The following ACAN variants were observed in gnomAD, a reference collection of about 807,000 sequenced individuals.
ACAN encodes aggrecan core protein.
A neutral mutation model predicts 169.1 loss-of-function variants in ACAN; 47 were observed. The ratio of observed to expected loss-of-function variants is 0.28; its 90% CI spans 0.22 to 0.35. The LOEUF (loss-of-function observed/expected upper bound fraction) is 0.35, where lower values mean the gene tolerates loss of function less well. ACAN is among the 10% of genes least tolerant of loss of function. The pLI, the probability that ACAN is intolerant of heterozygous loss-of-function variation, is 1.00. For synonymous variants in ACAN, 1,115 were observed against 1,112.2 expected (o/e 1.00, Z -0.05); for missense variants, 2,716 against 2,759.9 (o/e 0.98, Z 0.36).
In ACAN at chr15:88,838,562, C is replaced by T; in HGVS notation, c.71-101C>T. The T allele has an allele frequency of 1.4e-6, 2 of 1,382,498 alleles. No individual in the cohort carries two copies. The highest frequency in any genetic ancestry group is 1.4e-5 in the African/African-American group (1 of 69,126). 85.6% of individuals were successfully genotyped at this position (1,382,498 alleles called of 1,614,324 possible). On this transcript the variant is annotated intron_variant, in intron 2 of 18. Transcript: ENST00000560601. This position sits in a 1 kb window ranked among gnomAD's most constrained non-coding sequence, Gnocchi z 5.1. ...AGACAGACACACTCATCGGATTTCG[C>T]TCTCTCAGGAGAGTGCATTGCTGGA... is the stretch of plus-strand genomic sequence containing the variant.
chr15:88,853,187 T>G (rs1414443931), intron 11 of ACAN, among the ~76,000 whole-genome samples: 5 of 151,992 alleles, frequency 3.3e-5, no homozygotes, highest in Non-Finnish European at 7.4e-5. Context: ...CAACCACGAG[T>G]GGGGAGTTAC....
intron 1 of ACAN, among the ~76,000 whole-genome samples, chr15:88,806,329 G>A (rs1327294802): frequency 6.7e-6 from 1 of 149,688 alleles, no homozygotes; most frequent in African/African-American, 2.5e-5. Context: ...ATAAGAGACT[G>A]TGTGTCCTAA....
intron 1 of ACAN, among the ~76,000 whole-genome samples, chr15:88,815,759 G>C (rs1895927588): frequency 6.6e-6 from 1 of 150,776 alleles, no homozygotes; most frequent in East Asian, 2.0e-4. Context: ...TACCAAGTAA[G>C]ATTGGGGACT....
At chr15:88,853,850 T>TA (rs1394099570) in intron 11 of ACAN, among the ~76,000 whole-genome samples, 1 of 151,536 alleles carries the variant, frequency 6.6e-6, no homozygotes, top group Non-Finnish European at 1.5e-5. Context: ...GCTAACTTTT[T>TA]TTTTTTTTTC....
In ACAN at chr15:88,868,231, T is replaced by C. The variant is rs1489699502; in HGVS notation, c.6962T>C (p.Leu2321Pro). ...TTTCTTGCAGACATTGATGAGTGCC[T>C]CTCAAGCCCTTGTCTGAATGGAGCC... ...EHCNIDIDECLSSPCLNGATC... is the reference protein window; with the variant it reads ...EHCNIDIDECPSSPCLNGATC... Residue 2321 changes from leucine (L) to proline (P), a missense_variant, in exon 14 of 19, where the codon CTC (leucine) becomes CCC (proline). Around this residue, in one of 3 missense-constraint regions of ACAN, gnomAD observed 1,389 missense variants for 1,363.7 expected, o/e 1.02. Coordinates refer to ENST00000560601, the MANE Select transcript of ACAN (RefSeq NM_001369268.1). This position sits in a 1 kb window ranked among gnomAD's most constrained non-coding sequence, Gnocchi z 5.2. The C allele has an allele frequency of 1.4e-6, 1 of 702,602 alleles. No individual in the cohort carries two copies. The highest frequency in any genetic ancestry group is 2.6e-6 in the Non-Finnish European group (1 of 384,838). The allele number at this position is 702,602 out of a possible 1,614,324, so 43.5% of individuals were successfully genotyped here.
rs2141618963 is a variant in ACAN, at chr15:88,861,905, T to C, written c.6946+1466T>C. Among the ~76,000 whole-genome samples, 1 of 152,326 alleles carries C rather than the reference T, an allele frequency of 6.6e-6. No individual in the cohort carries two copies. Among genetic ancestry groups the C allele is most frequent in the African/African-American group, 2.4e-5 (1 of 41,568 alleles). On this transcript the variant is annotated intron_variant, in intron 13 of 18. Transcript: ENST00000560601. The surrounding 1 kb of genome is among the most constrained non-coding windows in gnomAD (Gnocchi z 6.3). ...AGGACAGCCTCTCTGTGATCATGTATATTTCCACAGGGCTTTTGTTCCCAC... is the reference window on the plus strand; with the variant it reads ...AGGACAGCCTCTCTGTGATCATGTACATTTCCACAGGGCTTTTGTTCCCAC...
intron 1 of ACAN, among the ~76,000 whole-genome samples, chr15:88,811,243 T>C (rs1895813133): frequency 6.6e-6 from 1 of 152,198 alleles, no homozygotes; most frequent in South Asian, 2.1e-4. Flanking sequence ...TGATGGACCT[T>C]GGAAATCACC....
intron 1 of ACAN, among the ~76,000 whole-genome samples, chr15:88,832,624 G>C (rs78061838): frequency 0.013 from 1,921 of 152,238 alleles, 40 homozygotes; most frequent in African/African-American, 0.042. Context: ...CTAATAATGA[G>C]GATTCGGATT....
Position 88,843,571 on chromosome 15 carries a change from T to C in ACAN, c.974T>C (p.Val325Ala). 1 of 1,612,220 alleles carries C rather than the reference T, an allele frequency of 6.2e-7. No homozygotes were observed. Among genetic ancestry groups the C allele is most frequent in the Non-Finnish European group, 8.5e-7 (1 of 1,179,314 alleles). ...AACTGCGGTGGCAACCTCCTGGGCGTGAGGACCGTCTACGTGCATGCCAAC... is the reference window on the plus strand; with the variant it reads ...AACTGCGGTGGCAACCTCCTGGGCGCGAGGACCGTCTACGTGCATGCCAAC... Reference protein sequence around the residue: ...RPNCGGNLLGVRTVYVHANQT... With the variant: ...RPNCGGNLLGARTVYVHANQT... The change falls in exon 6 of 19, where the codon GTG (valine) becomes GCG (alanine). Residue 325 changes from valine (V) to alanine (A), a missense_variant. Physicochemically the swap from Val to Ala is moderately conservative, Grantham distance 64. This residue lies in a region of ACAN where 1,283 missense variants were observed against 1,281.5 expected (regional missense o/e 1.00). Coordinates refer to ENST00000560601, the MANE Select transcript of ACAN (RefSeq NM_001369268.1). The surrounding 1 kb of genome is among the most constrained non-coding windows in gnomAD (Gnocchi z 4.0).
Position 88,817,849 on chromosome 15 carries a change from G to GAA in ACAN, c.-8+14059_-8+14060dup, listed in dbSNP as rs10710630. 8.2e-4 allele frequency among the ~76,000 whole-genome samples: 60 copies of GAA among 73,368 alleles called. 1 individual carries two copies. Among genetic ancestry groups the GAA allele is most frequent in the African/African-American group, 2.0e-3 (37 of 18,592 alleles). 48.1% of individuals were successfully genotyped at this position (73,368 alleles called of 152,430 possible). The stretch of plus-strand genomic sequence containing the variant: ...AGACTGCGCAACAGAGTGAGACTCT[G>GAA]AAAAAAAAAAAAAAAAAAAAGAAAG... On this transcript the variant is annotated intron_variant, in intron 1 of 18. Coordinates refer to ENST00000560601, the MANE Select transcript of ACAN (RefSeq NM_001369268.1).
chr15:88,825,786 C>T (rs561660439), intron 1 of ACAN, among the ~76,000 whole-genome samples: 1 of 152,204 alleles, frequency 6.6e-6, no homozygotes, highest in Non-Finnish European at 1.5e-5. Context: ...CCAGCCTGCT[C>T]CTTCCACTTC....
In ACAN at chr15:88,873,179, G is replaced by T. The variant is rs1377609682; in HGVS notation, c.7447+154G>T. 6.6e-6 allele frequency among the ~76,000 whole-genome samples: 1 copy of T among 152,076 alleles called. No homozygotes were observed. Among genetic ancestry groups the T allele is most frequent in the African/African-American group, 2.4e-5 (1 of 41,416 alleles). On this transcript the variant is annotated intron_variant, in intron 17 of 18. Transcript: ENST00000560601. The surrounding 1 kb of genome is among the most constrained non-coding windows in gnomAD (Gnocchi z 7.5). ...AAAGGCAGACTGGAGCTGACCTAGG[G>T]GTCCCTCCTAGCACCGGCATCCCAG...
At chr15:88,817,789 G>A (rs1251876126) in intron 1 of ACAN, among the ~76,000 whole-genome samples, 1 of 139,694 alleles carries the variant, frequency 7.2e-6, no homozygotes, top group African/African-American at 2.7e-5. Flanking sequence ...GGGAGGCGGA[G>A]GTTGCAGTGA....
rs574079041 is a variant in ACAN at position 88,841,680 on chromosome 15, G to A, written c.630-60G>A. The stretch of plus-strand genomic sequence containing the variant: ...CCCACGGGAGGAGGATTCAAAGGCA[G>A]AGGCCATGGGCTTCCCTTTGTCCCC... On this transcript the variant is annotated intron_variant, in intron 4 of 18. Transcript: ENST00000560601. 113 of 1,601,014 alleles carry A rather than the reference G, an allele frequency of 7.1e-5. 2 individuals are homozygous for A. In the South Asian group the frequency reaches 1.2e-3, roughly 16 times the overall value.
intron 1 of ACAN, among the ~76,000 whole-genome samples, chr15:88,818,625 T>C (rs1895999691): frequency 6.6e-6 from 1 of 152,192 alleles, no homozygotes; most frequent in Admixed American, 6.5e-5. Flanking sequence ...GCCACTCAAA[T>C]ACTCAATAGT....
rs781273878 is a variant in ACAN, at chr15:88,849,532, C to T, written c.1827C>T (p.Gly609=). The T allele has an allele frequency of 3.7e-6, 6 of 1,606,336 alleles. No individual in the cohort carries two copies. The highest frequency in any genetic ancestry group is 5.1e-6 in the Non-Finnish European group (6 of 1,176,680). ...ACAATGCTACGCTGGCCACCACGGG[C>T]CAGCTCTACGCCGCCTGGAGCCGCG... The part of the protein sequence containing the change: ...ESHNATLATT[G]QLYAAWSRGL... Residue 609 remains glycine, a synonymous_variant, in exon 10 of 19, where the codon GGC becomes GGT. Coordinates refer to ENST00000560601, the MANE Select transcript of ACAN (RefSeq NM_001369268.1). This position sits in a 1 kb window ranked among gnomAD's most constrained non-coding sequence, Gnocchi z 5.1.
At chr15:88,817,849 G>GAAAAAAA (rs10710630) in intron 1 of ACAN, among the ~76,000 whole-genome samples, 85 of 73,238 alleles carry the variant, frequency 1.2e-3, no homozygotes, top group East Asian at 1.6e-3. Context: ...GTGAGACTCT[G>GAAAAAAA]AAAAAAAAAA....
rs1372753590 is a variant in ACAN at position 88,838,084 on chromosome 15, ATCT to A, written c.71-575_71-573del. Among the ~76,000 whole-genome samples the A allele has an allele frequency of 5.9e-5, 9 of 151,870 alleles. No homozygotes were observed. The highest frequency in any genetic ancestry group is 2.1e-4 in the South Asian group (1 of 4,774). On this transcript the variant is annotated intron_variant, in intron 2 of 18. Coordinates refer to ENST00000560601, the MANE Select transcript of ACAN (RefSeq NM_001369268.1). This position sits in a 1 kb window ranked among gnomAD's most constrained non-coding sequence, Gnocchi z 5.1. ...GACTGTTTGCACACCAAAAGGTCTG[ATCT>A]TCTCGGATGCTTCTCCACCTGAGTC... is the stretch of plus-strand genomic sequence containing the variant.
At position 88,871,856 on chromosome 15, in the gene ACAN, T is replaced by C. The variant is rs183263489; in HGVS notation, c.7220-147T>C. On this transcript the variant is annotated intron_variant, in intron 15 of 18. Transcript: ENST00000560601. This position sits in a 1 kb window ranked among gnomAD's most constrained non-coding sequence, Gnocchi z 7.8. Reference sequence around the variant, plus strand: ...CCAGGCATGCACGTGCTGAGCCTCTTGTGAGGACCTGAGAAGCACGTGCCT... The same window carrying C: ...CCAGGCATGCACGTGCTGAGCCTCTCGTGAGGACCTGAGAAGCACGTGCCT... 6.6e-4 allele frequency: 506 copies of C among 767,332 alleles called. 4 individuals are homozygous for C. The highest frequency in any genetic ancestry group is 2.5e-4 in the Admixed American group (12 of 47,088). 47.5% of individuals were successfully genotyped at this position (767,332 alleles called of 1,614,324 possible).
Sources: allele counts gnomAD v4.1 joint callset (sites outside exome capture counted in the v4.1 genomes callset), GRCh38; gene constraint gnomAD v4.1.1; regional missense constraint gnomAD v4.1.1; non-coding constraint Gnocchi (gnomAD v3.1); transcripts MANE v1.5; gene names NCBI Gene and HGNC (gene_info 2026-07-23, HGNC 2026-07-21).